The following ACVR1 variants were observed in gnomAD, a reference collection of about 807,000 sequenced individuals.
The protein encoded by ACVR1 is activin receptor type-1.
A neutral mutation model predicts 57.1 loss-of-function variants in ACVR1; 38 were observed. That is an observed-to-expected ratio of 0.67 (90% CI 0.51 to 0.87). ACVR1 has a LOEUF of 0.87. ACVR1 is among the 40% of genes least tolerant of loss of function. The probability of loss-of-function intolerance (pLI) is 0.00; values close to 1 mark genes in which losing one functional copy is unlikely to be tolerated. For synonymous variants in ACVR1, 212 were observed against 228.1 expected, an observed-to-expected ratio of 0.93 and a Z score of 0.63; for missense variants, 463 against 638.2, an observed-to-expected ratio of 0.73 and a Z score of 2.96.
chr2:157,766,719 G>A (rs1370156725), intron 7 of ACVR1, among the ~76,000 whole-genome samples: 3 of 152,064 alleles, frequency 2.0e-5, no homozygotes, highest in Admixed American at 1.3e-4. Flanking sequence ...ACTGATTCAC[G>A]AAATAAAAAA....
At chr2:157,774,235 C>T (rs1449021782) in intron 5 of ACVR1, 48 bp from the exon 6 acceptor site, 1 of 1,482,486 alleles carries the variant, frequency 6.7e-7, no homozygotes, top group Non-Finnish European at 9.4e-7. Context: ...CAATATAGCT[C>T]CCACTTTGGA....
At chr2:157,819,056 T>A (rs4664899) in intron 1 of ACVR1, among the ~76,000 whole-genome samples, 4 of 128,848 alleles carry the variant, frequency 3.1e-5, no homozygotes, top group Non-Finnish European at 6.4e-5. Context: ...CCAGCCTGGG[T>A]GACAGAGCGA....
At chr2:157,855,163 C>T (rs772928730) in intron 1 of ACVR1, among the ~76,000 whole-genome samples, 26 of 150,886 alleles carry the variant, frequency 1.7e-4, no homozygotes, top group Non-Finnish European at 3.4e-4. Context: ...CGCCTGTAAT[C>T]TCAGCTCTTT....
intron 2 of ACVR1, among the ~76,000 whole-genome samples, chr2:157,801,106 G>T (rs1687307791): frequency 6.6e-6 from 1 of 152,080 alleles, no homozygotes; most frequent in Non-Finnish European, 1.5e-5. Flanking sequence ...ATTGAGCTAT[G>T]GAATGAAATT....
At chr2:157,835,544 T>C (rs557243731) in intron 1 of ACVR1, among the ~76,000 whole-genome samples, 1 of 152,348 alleles carries the variant, frequency 6.6e-6, no homozygotes, top group African/African-American at 2.4e-5. Flanking sequence ...AACTAAAACA[T>C]ACAGTTCTTT....
At chr2:157,800,095 C>A (rs1322121402) in intron 2 of ACVR1, among the ~76,000 whole-genome samples, 1 of 152,156 alleles carries the variant, frequency 6.6e-6, no homozygotes, top group Non-Finnish European at 1.5e-5. Flanking sequence ...ACAAATTTAA[C>A]AAGGATAGAC....
chr2:157,767,652 G>A (rs1264561745), intron 7 of ACVR1, among the ~76,000 whole-genome samples: 1 of 152,078 alleles, frequency 6.6e-6, no homozygotes, highest in African/African-American at 2.4e-5. Context: ...TAAAATTTAT[G>A]TCACTTTCAC....
chr2:157,789,397 G>A (rs1254681849), intron 3 of ACVR1, among the ~76,000 whole-genome samples: 1 of 152,238 alleles, frequency 6.6e-6, no homozygotes. Flanking sequence ...TGGGGAGCAA[G>A]AATATCTAAA....
intron 1 of ACVR1, among the ~76,000 whole-genome samples, chr2:157,827,337 A>T (rs1277868061): frequency 6.6e-6 from 1 of 152,234 alleles, no homozygotes; most frequent in Non-Finnish European, 1.5e-5. Context: ...AACAAGCAAA[A>T]AAACAAAAGA....
At chr2:157,760,773 C>G in intron 9 of ACVR1, 107 bp downstream of exon 9, 1 of 1,130,842 alleles carries the variant, frequency 8.8e-7, no homozygotes, top group Non-Finnish European at 1.3e-6. Context: ...TCGACACGTA[C>G]GATTCAAAGA....
intron 1 of ACVR1, among the ~76,000 whole-genome samples, chr2:157,830,467 G>C (rs1179002634): frequency 1.3e-5 from 2 of 152,020 alleles, no homozygotes; most frequent in African/African-American, 2.4e-5. Context: ...TAGACAAAGA[G>C]AACTACCAAC....
intron 8 of ACVR1, among the ~76,000 whole-genome samples, chr2:157,762,200 G>T (rs1462982192): frequency 6.6e-6 from 1 of 152,066 alleles, no homozygotes; most frequent in Non-Finnish European, 1.5e-5. Context: ...TCAGTTACCC[G>T]CAGTCAACTA....
intron 1 of ACVR1, among the ~76,000 whole-genome samples, chr2:157,841,820 G>A (rs185095486): frequency 1.3e-5 from 2 of 152,016 alleles, no homozygotes; most frequent in Non-Finnish European, 2.9e-5. Flanking sequence ...TCAGGAGATC[G>A]AGATCATCCT....
intron 3 of ACVR1, among the ~76,000 whole-genome samples, chr2:157,788,954 G>A (rs747536745): frequency 1.1e-4 from 16 of 152,292 alleles, no homozygotes; most frequent in Middle Eastern, 3.4e-3. Flanking sequence ...TTCAACCCCA[G>A]GAAGATGTGC....
At chr2:157,800,029 CAAAAAAATACAAACTT>C (rs1430619187) in intron 2 of ACVR1, among the ~76,000 whole-genome samples, 1 of 152,038 alleles carries the variant, frequency 6.6e-6, no homozygotes, top group Non-Finnish European at 1.5e-5. Flanking sequence ...AAACAAAGAA[CAAAAAAATACAAACTT>C]TTACCCCATC....
rs1408309588 is a variant in ACVR1 at position 157,876,195 on chromosome 2, G to A, written c.-582C>T. 6.7e-6 allele frequency among the ~76,000 whole-genome samples: 1 copy of A among 148,374 alleles called. No individual in the cohort carries two copies. Among genetic ancestry groups the A allele is most frequent in the Non-Finnish European group, 1.5e-5 (1 of 66,688 alleles). ...CCCGAGGCGCAGAGGCTCGGGCTGG[G>A]AGCACGACCGCGGGCGGGGCGGGCG... On this transcript the variant is annotated 5_prime_UTR_variant, in exon 1 of 11. Transcript: ENST00000434821.
intron 1 of ACVR1, among the ~76,000 whole-genome samples, chr2:157,841,604 C>A (rs1416529503): frequency 1.3e-5 from 2 of 152,144 alleles, no homozygotes; most frequent in Non-Finnish European, 2.9e-5. Flanking sequence ...ATTAGGAAGG[C>A]TAAGGCAAAA....
At chr2:157,799,976 C>A (rs1339462245) in intron 2 of ACVR1, among the ~76,000 whole-genome samples, 1 of 152,152 alleles carries the variant, frequency 6.6e-6, no homozygotes, top group Admixed American at 6.5e-5. Context: ...TTTAAAAGGA[C>A]TGGAGGCAGA....
chr2:157,741,065 T>C (rs1684738290), intron 9 of ACVR1, among the ~76,000 whole-genome samples: 1 of 152,228 alleles, frequency 6.6e-6, no homozygotes. Context: ...TATTAAATGC[T>C]GAGAGTGATA....
Sources: gnomAD v4.1 joint callset for allele counts (sites outside exome capture counted in the v4.1 genomes callset) on GRCh38, gnomAD v4.1.1 for gene constraint, MANE v1.5 for transcripts, NCBI Gene and HGNC (gene_info 2026-07-23, HGNC 2026-07-21) for gene names.